Variants in SEMA5B observed in about 807,000 individuals in gnomAD.
SEMA5B encodes the protein semaphorin-5B.
SEMA5B carries 66 observed loss-of-function variants against 135.0 expected under a neutral mutation model. That is an observed-to-expected ratio of 0.49 (90% CI 0.40 to 0.60). SEMA5B has a LOEUF of 0.60. Ranked by LOEUF, SEMA5B falls within the 20% of genes least tolerant of loss-of-function variation. The probability of loss-of-function intolerance (pLI) is 0.00; values close to 1 mark genes in which losing one functional copy is unlikely to be tolerated. For missense variants in SEMA5B, 1,501 were observed against 1,566.3 expected (o/e 0.96, Z 0.70); for synonymous variants, 690 against 639.5 (o/e 1.08, Z -1.19).
intron 1 of SEMA5B, among the ~76,000 whole-genome samples, chr3:123,003,232 A>G (rs143980674): frequency 1.8e-4 from 28 of 152,288 alleles, no homozygotes; most frequent in African/African-American, 6.7e-4. Flanking sequence ...TCAAAACATA[A>G]AACCACCTTT....
chr3:123,010,531 C>A (rs1942414852), intron 1 of SEMA5B, among the ~76,000 whole-genome samples: 1 of 152,152 alleles, frequency 6.6e-6, no homozygotes, highest in Non-Finnish European at 1.5e-5. Context: ...ATGGTGTCGG[C>A]TGGACGCAGT....
intron 2 of SEMA5B, among the ~76,000 whole-genome samples, chr3:122,959,660 A>T (rs4478030): frequency 1.3e-5 from 2 of 151,968 alleles, no homozygotes; most frequent in Admixed American, 1.3e-4. Context: ...TAGAAGACAG[A>T]CATGTGGAGG....
intron 1 of SEMA5B, among the ~76,000 whole-genome samples, chr3:122,981,361 G>T (rs1576387957): frequency 1.3e-5 from 2 of 152,258 alleles, no homozygotes; most frequent in South Asian, 4.1e-4. Flanking sequence ...CCGTCCCAGG[G>T]CTGCTCCATG....
In SEMA5B at chr3:122,954,698, C is replaced by T. The variant is rs565123706; in HGVS notation, c.125-5989G>A. ...GTAGCCATCTGCAGCTGGTAAGTGA[C>T]CTTTAGCCATATGCTAAGGATTGCA... On this transcript the variant is annotated intron_variant, in intron 2 of 22. Transcript: ENST00000357599. Among the ~76,000 whole-genome samples the T allele has an allele frequency of 1.1e-4, 16 of 152,212 alleles. No homozygotes were observed. The East Asian group carries it at 3.1e-3, about 29-fold the overall frequency.
In SEMA5B at chr3:122,913,354, G is replaced by A; in HGVS notation, c.2351C>T (p.Pro784Leu). 1 of 1,581,854 alleles carries A rather than the reference G, an allele frequency of 6.3e-7. No homozygotes were observed. The highest frequency in any genetic ancestry group is 8.5e-7 in the Non-Finnish European group (1 of 1,170,814). The part of the protein sequence containing the change: ...RRNTPWTPWL[P>L]VNVTQGGARQ... Reference sequence around the variant, plus strand: ...TGCCCCGCCCTGCGTCACGTTCACGGGCAGCCACGGCGTCCAGGGGGTGTT... The same window carrying A: ...TGCCCCGCCCTGCGTCACGTTCACGAGCAGCCACGGCGTCCAGGGGGTGTT... Residue 784 changes from proline (P) to leucine (L), a missense_variant, in exon 17 of 23, where the codon CCC becomes CTC. Transcript: ENST00000357599.
intron 21 of SEMA5B, 102 bp downstream of exon 21, chr3:122,911,389 G>T: frequency 6.4e-7 from 1 of 1,556,128 alleles, no homozygotes; most frequent in Non-Finnish European, 8.7e-7. Context: ...CCCCAACAAA[G>T]CTTGGCTGTC....
intron 1 of SEMA5B, among the ~76,000 whole-genome samples, chr3:122,981,420 G>A (rs939786752): frequency 2.6e-5 from 4 of 152,244 alleles, no homozygotes; most frequent in African/African-American, 9.6e-5. Context: ...GTGTGGCCAG[G>A]CGAATTTGAC....
At chr3:122,949,759 C>T (rs1939962560) in intron 2 of SEMA5B, among the ~76,000 whole-genome samples, 1 of 152,158 alleles carries the variant, frequency 6.6e-6, no homozygotes, top group African/African-American at 2.4e-5. Flanking sequence ...TCTGCTGATG[C>T]CACCCAGACT....
chr3:122,973,714 A>C (rs1941211232), intron 1 of SEMA5B, among the ~76,000 whole-genome samples: 1 of 152,190 alleles, frequency 6.6e-6, no homozygotes. Context: ...TAGATTCCCA[A>C]GGAGGGCAGG....
chr3:123,009,149 C>G (rs1942381398), intron 1 of SEMA5B, among the ~76,000 whole-genome samples: 1 of 152,118 alleles, frequency 6.6e-6, no homozygotes, highest in African/African-American at 2.4e-5. Context: ...AGTGTTTCAG[C>G]CTGAGATGAA....
chr3:122,932,243 A>ATTTTTTTTT lies in SEMA5B; in HGVS notation c.475-3194_475-3186dup, dbSNP rs71136597. 2.5e-4 allele frequency among the ~76,000 whole-genome samples: 21 copies of ATTTTTTTTT among 85,392 alleles called. 5 individuals are homozygous for ATTTTTTTTT. Among genetic ancestry groups the ATTTTTTTTT allele is most frequent in the Non-Finnish European group, 4.5e-4 (21 of 46,980 alleles). 56.0% of individuals were successfully genotyped at this position (85,392 alleles called of 152,430 possible). On this transcript the variant is annotated intron_variant, in intron 5 of 22. Transcript: ENST00000357599. Reference sequence around the variant, plus strand: ...GGTCTTACACATCCCTCTCAATATGATTTTTTTTTTTTTTTTTTTTTTTTT... The same window carrying ATTTTTTTTT: ...GGTCTTACACATCCCTCTCAATATGATTTTTTTTTTTTTTTTTTTTTTTTTTTTTTTTTT...
chr3:122,911,837 A>G (rs1937730055), intron 20 of SEMA5B, 83 bp downstream of exon 20: 16 of 1,460,142 alleles, frequency 1.1e-5, no homozygotes, highest in Non-Finnish European at 1.5e-5. Context: ...GCTCCCCACC[A>G]GGACACAAGC....
At chr3:122,918,423 G>T (rs1938183942) in intron 12 of SEMA5B, among the ~76,000 whole-genome samples, 1 of 152,146 alleles carries the variant, frequency 6.6e-6, no homozygotes, top group South Asian at 2.1e-4. Context: ...ACTGGAATAG[G>T]CCCAGGCACT....
intron 9 of SEMA5B, 66 bp downstream of exon 9, chr3:122,926,326 C>A: frequency 6.7e-7 from 1 of 1,482,636 alleles, no homozygotes. Context: ...ATGAAGCCCA[C>A]CAGGCCATGA....
At chr3:122,980,953 T>C (rs949303541) in intron 1 of SEMA5B, among the ~76,000 whole-genome samples, 1 of 152,256 alleles carries the variant, frequency 6.6e-6, no homozygotes, top group African/African-American at 2.4e-5. Context: ...CTTAGCATAA[T>C]GTCTTCAGGG....
At chr3:122,965,058 G>C (rs760654588) in intron 1 of SEMA5B, among the ~76,000 whole-genome samples, 1 of 152,114 alleles carries the variant, frequency 6.6e-6, no homozygotes, top group Non-Finnish European at 1.5e-5. Flanking sequence ...CTTTGTGACT[G>C]GCTTACTTCA....
At chr3:122,962,199 T>C (rs1385165996) in intron 1 of SEMA5B, among the ~76,000 whole-genome samples, 1 of 152,252 alleles carries the variant, frequency 6.6e-6, no homozygotes, top group Non-Finnish European at 1.5e-5. Context: ...GCCATTATTC[T>C]GCCTGCCACA....
intron 1 of SEMA5B, among the ~76,000 whole-genome samples, chr3:122,998,538 G>T (rs555737339): frequency 6.6e-6 from 1 of 152,162 alleles, no homozygotes; most frequent in Non-Finnish European, 1.5e-5. Flanking sequence ...TGGACGGAAG[G>T]CTGGGTCAGT....
rs1329141291 is a variant in SEMA5B at position 122,913,290 on chromosome 3, G to T, written c.2415C>A (p.Pro805=). Residue 805 remains proline, a synonymous_variant, in exon 17 of 23, where the codon CCC becomes CCA. Transcript: ENST00000357599. The part of the protein sequence containing the change: ...EQRFRFTCRA[P]LADPHGLQFG... ...ACTGCAGGCCGTGCGGGTCTGCAAG[G>T]GGCGCGCGGCAGGTGAAGCGGAACC... The T allele has an allele frequency of 1.3e-6, 2 of 1,582,574 alleles. No homozygotes were observed. The highest frequency in any genetic ancestry group is 3.5e-5 in the Admixed American group (2 of 57,574).
Sources: allele counts gnomAD v4.1 joint callset (sites outside exome capture counted in the v4.1 genomes callset), GRCh38; gene constraint gnomAD v4.1.1; transcripts MANE v1.5; gene names NCBI Gene and HGNC (gene_info 2026-07-23, HGNC 2026-07-21).